The following OTC variants were observed in gnomAD, a reference collection of about 807,000 sequenced individuals.
OTC encodes the protein ornithine transcarbamylase, mitochondrial.
Under a neutral mutation model 30.3 loss-of-function variants are expected in OTC, and 3 were observed. That is an observed-to-expected ratio of 0.10 (90% CI 0.05 to 0.26). The LOEUF is 0.26. Ranked by LOEUF, OTC falls within the 10% of genes least tolerant of loss-of-function variation. The probability of loss-of-function intolerance (pLI) is 1.00; values close to 1 mark genes in which losing one functional copy is unlikely to be tolerated. For missense variants in OTC, 194 were observed against 260.3 expected (o/e 0.75, Z 1.75); for synonymous variants, 111 against 99.7 (o/e 1.11, Z -0.67).
At chrX:38,414,760 T>C (rs775308228) in intron 9 of OTC, among the ~76,000 whole-genome samples, 24 of 111,693 alleles carry the variant, frequency 2.1e-4, no homozygotes, top group African/African-American at 7.1e-4. Flanking sequence ...ACAGAAAGAG[T>C]GGCATAACTG....
At position 38,408,779 on chromosome X, in the gene OTC, A is replaced by G. The variant is rs1159781419; in HGVS notation, c.701A>G (p.Glu234Gly). ...EPDASVTKLA[E>G]QYAKENGTKL... ...GATGCTAGTGTAACCAAGTTGGCAG[A>G]GCAGTATGCCAAAGAGGTATGCTCT... is the stretch of plus-strand genomic sequence containing the variant. Residue 234 changes from glutamate to glycine, a missense_variant, in exon 7 of 10, where the codon GAG (glutamate) becomes GGG (glycine). Transcript: ENST00000039007. The G allele has an allele frequency of 1.2e-5, 15 of 1,204,621 alleles. No individual in the cohort carries two copies. The highest frequency in any genetic ancestry group is 1.7e-5 in the Non-Finnish European group (15 of 890,186).
At chrX:38,385,674 T>TA (rs1442876164) in intron 4 of OTC, among the ~76,000 whole-genome samples, 9 of 104,175 alleles carry the variant, frequency 8.6e-5, no homozygotes, top group Non-Finnish European at 1.9e-4. Flanking sequence ...TGATTTTTTT[T>TA]TAAAAAAGCA....
At chrX:38,417,066 A>G (rs769910394) in intron 9 of OTC, among the ~76,000 whole-genome samples, 2 of 111,663 alleles carry the variant, frequency 1.8e-5, no homozygotes, top group South Asian at 7.5e-4. Context: ...TCCTTTTTAC[A>G]TTTTATTTTC....
chrX:38,396,630 G>A (rs984859065), intron 4 of OTC, among the ~76,000 whole-genome samples: 3 of 110,749 alleles, frequency 2.7e-5, no homozygotes, highest in Non-Finnish European at 5.7e-5. Flanking sequence ...AAAATTAGCC[G>A]GGCGTAGTGG....
At position 38,411,882 on chromosome X, in the gene OTC, T is replaced by C; in HGVS notation, c.888T>C (p.Ser296=). ...TTTAGACTGCTAAAGTTGCTGCCTCTGACTGGACATTTTTACACTGCTTGC... is the reference window on the plus strand; with the variant it reads ...TTTAGACTGCTAAAGTTGCTGCCTCCGACTGGACATTTTTACACTGCTTGC... ...VTMKTAKVAA[S]DWTFLHCLPR... Residue 296 remains serine (S), a synonymous_variant, in exon 9 of 10, where the codon TCT becomes TCC. Coordinates refer to ENST00000039007, the MANE Select transcript of OTC (RefSeq NM_000531.6). 3.3e-6 allele frequency: 4 copies of C among 1,211,410 alleles called. No individual in the cohort carries two copies. Among genetic ancestry groups the C allele is most frequent in the Non-Finnish European group, 4.5e-6 (4 of 895,103 alleles).
At chrX:38,330,211 G>T in the OTC span, among the ~76,000 whole-genome samples, 36 of 111,935 alleles carry the variant, frequency 3.2e-4, no homozygotes, top group South Asian at 7.5e-4. Flanking sequence ...GGCCATGAGC[G>T]GAGGAATGCA....
chrX:38,393,041 C>A (rs62589223), intron 4 of OTC, among the ~76,000 whole-genome samples: 1 of 111,726 alleles, frequency 9.0e-6, no homozygotes, highest in Non-Finnish European at 1.9e-5. Context: ...AGGCCTCAAC[C>A]CAGACCTCCT....
rs754387796 is a variant in OTC at position 38,363,582 on chromosome X, T to C, written c.78-3709T>C. ...TATCAGTACTTAGTATTCCAAGTGT[T>C]GCTTAATATTATCACTAATTAATAT... On this transcript the variant is annotated intron_variant, in intron 1 of 9. Coordinates refer to ENST00000039007, the MANE Select transcript of OTC (RefSeq NM_000531.6). 7.2e-5 allele frequency among the ~76,000 whole-genome samples: 8 copies of C among 111,649 alleles called. No individual in the cohort carries two copies. In the East Asian group the frequency reaches 1.7e-3, roughly 24 times the overall value.
At chrX:38,368,252 A>G (rs2068306956) in intron 2 of OTC, among the ~76,000 whole-genome samples, 1 of 110,950 alleles carries the variant, frequency 9.0e-6, no homozygotes, top group Non-Finnish European at 1.9e-5. Context: ...TCCAGCTACT[A>G]GGGAGGCTGA....
intron 2 of OTC, 121 bp downstream of exon 2, chrX:38,367,550 A>C: frequency 1.7e-6 from 1 of 590,948 alleles, no homozygotes; most frequent in Non-Finnish European, 2.8e-6. Context: ...AAGTAATGAA[A>C]CCTCACAGTC....
chrX:38,405,579 C>T (rs773526844), intron 6 of OTC, among the ~76,000 whole-genome samples: 1 of 111,183 alleles, frequency 9.0e-6, no homozygotes, highest in Non-Finnish European at 1.9e-5. Flanking sequence ...CATAAGGTCA[C>T]ATTCTGAGTT....
At chrX:38,366,046 A>G (rs1036397421) in intron 1 of OTC, among the ~76,000 whole-genome samples, 1 of 111,866 alleles carries the variant, frequency 8.9e-6, no homozygotes, top group African/African-American at 3.3e-5. Flanking sequence ...AAAACACATC[A>G]CAAGAGAGTC....
intron 9 of OTC, among the ~76,000 whole-genome samples, chrX:38,412,446 G>A (rs1485235414): frequency 1.8e-5 from 2 of 111,144 alleles, no homozygotes; most frequent in African/African-American, 6.5e-5. Flanking sequence ...ACTTGTTTTC[G>A]TTCTTTGAGT....
chrX:38,381,587 C>T (rs1404731467), intron 4 of OTC, among the ~76,000 whole-genome samples, 158 bp downstream of exon 4: 1 of 112,004 alleles, frequency 8.9e-6, no homozygotes, highest in Non-Finnish European at 1.9e-5. Flanking sequence ...TCTCCCTCAT[C>T]CTGTGGCCAC....
chrX:38,342,058 C>T, the OTC span, among the ~76,000 whole-genome samples: 1 of 90,619 alleles, frequency 1.1e-5, no homozygotes, highest in Non-Finnish European at 2.1e-5. Flanking sequence ...CTCGCTCTGT[C>T]GCCCAGGCTA....
intron 3 of OTC, among the ~76,000 whole-genome samples, chrX:38,376,630 A>G (rs781542726): frequency 1.8e-5 from 2 of 112,228 alleles, no homozygotes; most frequent in South Asian, 3.7e-4. Context: ...TCCACTGATA[A>G]TGAAGGGATG....
intron 4 of OTC, among the ~76,000 whole-genome samples, chrX:38,389,583 A>G (rs2068420938): frequency 8.9e-6 from 1 of 111,797 alleles, no homozygotes; most frequent in African/African-American, 3.3e-5. Flanking sequence ...ACTTCCATGA[A>G]TCTTTACAGA....
chrX:38,375,934 A>C (rs1261010256), intron 3 of OTC, among the ~76,000 whole-genome samples: 1 of 111,828 alleles, frequency 8.9e-6, no homozygotes, highest in Admixed American at 9.5e-5. Flanking sequence ...GAAGGAACCA[A>C]CAATGGTGAC....
At chrX:38,380,268 G>A (rs1371052255) in intron 3 of OTC, among the ~76,000 whole-genome samples, 4 of 111,949 alleles carry the variant, frequency 3.6e-5, no homozygotes, top group African/African-American at 9.7e-5. Flanking sequence ...CCAATTCACC[G>A]TGCAATTAAT....
Sources: allele counts gnomAD v4.1 joint callset (sites outside exome capture counted in the v4.1 genomes callset), GRCh38; gene constraint gnomAD v4.1.1; transcripts MANE v1.5; gene names NCBI Gene and HGNC (gene_info 2026-07-23, HGNC 2026-07-21).